NYAP2: variants seen among roughly 807,000 people sequenced by gnomAD.
NYAP2 encodes the protein neuronal tyrosine-phosphorylated phosphoinositide-3-kinase adaptor 2.
NYAP2 carries 23 observed loss-of-function variants against 50.4 expected under a neutral mutation model. The ratio of observed to expected loss-of-function variants is 0.46; its 90% CI spans 0.33 to 0.65. NYAP2 has a LOEUF of 0.65. Ranked by LOEUF, NYAP2 falls within the 30% of genes least tolerant of loss-of-function variation. The pLI is 0.02. For synonymous variants in NYAP2, 394 were observed against 365.2 expected (o/e 1.08, Z -0.90); for missense variants, 885 against 861.0 (o/e 1.03, Z -0.35).
intron 4 of NYAP2, among the ~76,000 whole-genome samples, chr2:225,569,187 A>G (rs1466729679): frequency 6.6e-6 from 1 of 152,178 alleles, no homozygotes; most frequent in Admixed American, 6.5e-5. Context: ...CTGGTAAATG[A>G]TTACCTTTGA....
the NYAP2 span, among the ~76,000 whole-genome samples, chr2:225,665,807 TAAAAAAAAAA>T: frequency 0.016 from 326 of 20,990 alleles, 29 homozygotes; most frequent in East Asian, 0.27. Flanking sequence ...AGCCTCCGTC[TAAAAAAAAAA>T]AAAAAAAAAA....
chr2:225,522,916 C>A (rs1691090861), intron 4 of NYAP2, among the ~76,000 whole-genome samples: 1 of 152,106 alleles, frequency 6.6e-6, no homozygotes, highest in African/African-American at 2.4e-5. Flanking sequence ...TAAAGAATAT[C>A]TGTTGATTAT....
intron 3 of NYAP2, among the ~76,000 whole-genome samples, chr2:225,449,408 T>G (rs904592594): frequency 3.3e-5 from 5 of 152,210 alleles, no homozygotes; most frequent in African/African-American, 1.2e-4. Context: ...TGAACTTTAC[T>G]ATTTATTTAA....
chr2:225,702,230 G>C, the NYAP2 span: 159 of 151,798 alleles, frequency 1.0e-3, no homozygotes, highest in African/African-American at 3.8e-3. Context: ...GGTACCTATA[G>C]CATTTAACAT....
chr2:225,442,712 A>G (rs1574617033), intron 3 of NYAP2, among the ~76,000 whole-genome samples: 1 of 152,038 alleles, frequency 6.6e-6, no homozygotes, highest in South Asian at 2.1e-4. Flanking sequence ...AGTAGCTGGG[A>G]CTACAGGCAC....
intron 6 of NYAP2, among the ~76,000 whole-genome samples, chr2:225,650,916 G>A (rs1693719545): frequency 6.6e-6 from 1 of 152,186 alleles, no homozygotes; most frequent in Admixed American, 6.5e-5. Flanking sequence ...TATTATGAAA[G>A]ATAGTAAAAG....
At chr2:225,607,764 T>A (rs753686460) in intron 5 of NYAP2, among the ~76,000 whole-genome samples, 5 of 152,132 alleles carry the variant, frequency 3.3e-5, no homozygotes, top group Admixed American at 6.6e-5. Context: ...CTGTCAGGTC[T>A]TAAATGGAAA....
chr2:225,639,999 G>T (rs774523046), intron 6 of NYAP2, among the ~76,000 whole-genome samples: 11 of 152,104 alleles, frequency 7.2e-5, no homozygotes, highest in Non-Finnish European at 1.2e-4. Context: ...ACCTGACAAG[G>T]GTGAGGGTGA....
chr2:225,613,916 G>T (rs116311099), intron 5 of NYAP2, among the ~76,000 whole-genome samples: 2 of 152,124 alleles, frequency 1.3e-5, no homozygotes, highest in Non-Finnish European at 2.9e-5. Context: ...GACACTCTCC[G>T]AAATGTAAAG....
chr2:225,567,097 G>A (rs779878884), intron 4 of NYAP2, among the ~76,000 whole-genome samples: 52 of 152,164 alleles, frequency 3.4e-4, no homozygotes, highest in Non-Finnish European at 6.6e-4. Flanking sequence ...GGTAGAGCCT[G>A]TTGCTCCTAG....
chr2:225,689,004 A>G, the NYAP2 span, among the ~76,000 whole-genome samples: 3 of 152,158 alleles, frequency 2.0e-5, no homozygotes, highest in African/African-American at 7.2e-5. Flanking sequence ...AGCCTCCCAA[A>G]GTGCTGGGAT....
chr2:225,643,491 T>C (rs1431558577), intron 6 of NYAP2, among the ~76,000 whole-genome samples: 2 of 152,062 alleles, frequency 1.3e-5, no homozygotes, highest in South Asian at 2.1e-4. Context: ...ATGTGCACAA[T>C]GTGCAGGTTA....
In NYAP2 at chr2:225,520,795, T is replaced by G. The variant is rs527324175; in HGVS notation, c.523+7123T>G. Among the ~76,000 whole-genome samples the G allele has an allele frequency of 2.0e-5, 3 of 152,312 alleles. No homozygotes were observed. In the South Asian group the frequency reaches 6.2e-4, roughly 32 times the overall value. On this transcript the variant is annotated intron_variant, in intron 4 of 6. Coordinates refer to ENST00000636099, the Ensembl canonical transcript of NYAP2. ...CCATATGAACTTTAAAGTAGTTTTT[T>G]CCAATTCTGTGAAGAAAGTCATTGG...
intron 5 of NYAP2, among the ~76,000 whole-genome samples, chr2:225,602,409 T>G (rs1322929094): frequency 6.6e-6 from 1 of 152,174 alleles, no homozygotes; most frequent in Admixed American, 6.5e-5. Context: ...ACTGAGTGTT[T>G]CCATTCATGG....
the NYAP2 span, among the ~76,000 whole-genome samples, chr2:225,686,141 A>T: frequency 6.6e-6 from 1 of 152,142 alleles, no homozygotes; most frequent in Non-Finnish European, 1.5e-5. Context: ...ATGTCTGGTT[A>T]TAGTCTTTCA....
At chr2:225,418,904 A>G (rs906767906) in intron 3 of NYAP2, among the ~76,000 whole-genome samples, 52 of 152,218 alleles carry the variant, frequency 3.4e-4, no homozygotes, top group African/African-American at 1.0e-3. Context: ...AACATCACAC[A>G]TGAGATCTAT....
At chr2:225,520,930 G>T (rs1300338942) in intron 4 of NYAP2, among the ~76,000 whole-genome samples, 2 of 151,554 alleles carry the variant, frequency 1.3e-5, no homozygotes, top group Non-Finnish European at 2.9e-5. Context: ...CCATTTGTTT[G>T]TATCCTCTTT....
chr2:225,622,643 G>C (rs1306216678), intron 5 of NYAP2, among the ~76,000 whole-genome samples: 1 of 147,378 alleles, frequency 6.8e-6, no homozygotes, highest in Non-Finnish European at 1.5e-5. Context: ...GCAGTGGCTC[G>C]ATCTTGGATC....
intron 3 of NYAP2, among the ~76,000 whole-genome samples, chr2:225,427,164 G>T (rs1359490229): frequency 6.6e-6 from 1 of 152,086 alleles, no homozygotes; most frequent in Non-Finnish European, 1.5e-5. Context: ...GTTTATCCAT[G>T]CAACTCCAAA....
Sources: gnomAD v4.1 joint callset for allele counts (sites outside exome capture counted in the v4.1 genomes callset) on GRCh38, gnomAD v4.1.1 for gene constraint, MANE v1.5 for transcripts, NCBI Gene and HGNC (gene_info 2026-07-23, HGNC 2026-07-21) for gene names.